ANXA3: variants seen among roughly 807,000 people sequenced by gnomAD.
ANXA3 encodes the protein 35-alpha calcimedin.
In ANXA3, 46 loss-of-function variants were observed where a neutral mutation model predicts 48.8. The ratio of observed to expected loss-of-function variants is 0.94; its 90% CI spans 0.74 to 1.21. ANXA3 has a LOEUF of 1.21. ANXA3 is among the 50% of genes most tolerant of loss of function. The pLI is 0.00. For missense variants in ANXA3, 383 were observed against 378.6 expected, an observed-to-expected ratio of 1.01 and a Z score of -0.10; for synonymous variants, 128 against 134.7, an observed-to-expected ratio of 0.95 and a Z score of 0.35.
chr4:78,573,306 C>A, intron 3 of ANXA3, 39 bp downstream of exon 3: 3 of 1,441,724 alleles, frequency 2.1e-6, no homozygotes, highest in Non-Finnish European at 2.9e-6. Context: ...AATGTTGAAG[C>A]AAATCAGGCA....
chr4:78,599,407 A>G (rs932624151), intron 10 of ANXA3, among the ~76,000 whole-genome samples: 8 of 152,250 alleles, frequency 5.3e-5, no homozygotes, highest in Non-Finnish European at 1.2e-4. Context: ...AGTTTTTGAC[A>G]TGAAAAACGA....
In ANXA3 at chr4:78,589,062, A is replaced by G. The variant is rs1324455124; in HGVS notation, c.404-2482A>G. Among the ~76,000 whole-genome samples, 3 of 152,200 alleles carry G rather than the reference A, an allele frequency of 2.0e-5. No individual in the cohort carries two copies. The East Asian group carries it at 5.8e-4, about 29-fold the overall frequency. ...TCCCTGGAGCCCAGCATTTAGGTAC[A>G]AACAGTTCCAGGATGTGAGCTTTAT... On this transcript the variant is annotated intron_variant, in intron 6 of 12. Transcript: ENST00000264908.
chr4:78,578,367 G>T (rs1723005787), intron 3 of ANXA3, among the ~76,000 whole-genome samples: 1 of 131,256 alleles, frequency 7.6e-6, no homozygotes, highest in Admixed American at 7.6e-5. Context: ...GGGAGAGAGG[G>T]AGGAAAGAAG....
intron 4 of ANXA3, 45 bp from the exon 5 acceptor site, chr4:78,582,131 AG>A (rs1214331893): frequency 1.5e-6 from 2 of 1,312,214 alleles, no homozygotes; most frequent in East Asian, 4.7e-5. Context: ...TTAGAGAAAG[AG>A]AAAAAAAGTA....
intron 5 of ANXA3, among the ~76,000 whole-genome samples, chr4:78,583,897 C>G (rs1723122065): frequency 6.6e-6 from 1 of 152,122 alleles, no homozygotes; most frequent in African/African-American, 2.4e-5. Flanking sequence ...TACAAAATAC[C>G]TTCACAGCAA....
chr4:78,567,682 G>C (rs1206206188), intron 2 of ANXA3, among the ~76,000 whole-genome samples: 1 of 152,238 alleles, frequency 6.6e-6, no homozygotes, highest in Non-Finnish European at 1.5e-5. Flanking sequence ...ATAACTTGCA[G>C]ATAAAGGTTA....
In ANXA3 at chr4:78,610,114, GA is replaced by G; in HGVS notation, c.*1del. The G allele has an allele frequency of 6.2e-7, 1 of 1,607,700 alleles. No homozygotes were observed. ...TTAAAAATCTGTGGTGGAGATGACT[GA>G]ACCAAGAAGATAATCTCCAAAGGTC... ...TLLKICGGDD[*>X] On this transcript the variant is annotated frameshift_variant and stop_lost, in exon 13 of 13. Transcript: ENST00000264908. LOFTEE classifies it high-confidence loss of function.
intron 10 of ANXA3, among the ~76,000 whole-genome samples, chr4:78,600,936 AT>A (rs35689949): frequency 0.052 from 7,786 of 148,584 alleles, 227 homozygotes; most frequent in Middle Eastern, 0.094. Flanking sequence ...GAAGGATTGT[AT>A]TTTTTTTTTA....
At chr4:78,605,786 A>AAAT (rs1434484339) in intron 12 of ANXA3, among the ~76,000 whole-genome samples, 1 of 152,222 alleles carries the variant, frequency 6.6e-6, no homozygotes, top group African/African-American at 2.4e-5. Flanking sequence ...AATAAATTAC[A>AAAT]AATTATTTGA....
At chr4:78,597,159 C>A in intron 9 of ANXA3, 160 bp from the exon 10 acceptor site, 1 of 562,386 alleles carries the variant, frequency 1.8e-6, no homozygotes, top group Non-Finnish European at 3.1e-6. Flanking sequence ...TAAAAAGGAA[C>A]AAAAGAAAAA....
intron 5 of ANXA3, among the ~76,000 whole-genome samples, chr4:78,585,635 A>G (rs1723158338): frequency 6.6e-6 from 1 of 152,234 alleles, no homozygotes. Flanking sequence ...ACTGTGGTAA[A>G]CTAGGAATCT....
At chr4:78,590,138 A>G (rs945008328) in intron 6 of ANXA3, among the ~76,000 whole-genome samples, 16 of 152,272 alleles carry the variant, frequency 1.1e-4, no homozygotes, top group Non-Finnish European at 1.5e-4. Context: ...AAATTACAAA[A>G]TACTTCCCCA....
intron 3 of ANXA3, among the ~76,000 whole-genome samples, 181 bp from the exon 4 acceptor site, chr4:78,578,846 G>GCAAA (rs1417746511): frequency 7.7e-6 from 1 of 130,206 alleles, no homozygotes; most frequent in Non-Finnish European, 1.6e-5. Context: ...CAAAACTCAG[G>GCAAA]CAAACAAAAT....
At chr4:78,596,675 T>G (rs1466747137) in intron 9 of ANXA3, among the ~76,000 whole-genome samples, 1 of 152,248 alleles carries the variant, frequency 6.6e-6, no homozygotes, top group Non-Finnish European at 1.5e-5. Context: ...GATAGTTGCT[T>G]TATTCATGTC....
chr4:78,566,311 G>T (rs1722729469), intron 2 of ANXA3, among the ~76,000 whole-genome samples: 1 of 151,940 alleles, frequency 6.6e-6, no homozygotes, highest in South Asian at 2.1e-4. Context: ...CAGTCCTCTT[G>T]CTCTGACACT....
intron 4 of ANXA3, among the ~76,000 whole-genome samples, chr4:78,580,868 T>G (rs1723056739): frequency 2.0e-5 from 3 of 152,238 alleles, no homozygotes; most frequent in Admixed American, 2.0e-4. Context: ...TTTGTTGAAT[T>G]GAGTGAATTG....
intron 12 of ANXA3, among the ~76,000 whole-genome samples, chr4:78,606,132 C>G (rs1018121714): frequency 1.3e-5 from 2 of 152,252 alleles, no homozygotes; most frequent in Non-Finnish European, 2.9e-5. Context: ...GTCAGGGCTG[C>G]CTTCGCAGAG....
chr4:78,604,179 T>C (rs1232701678), intron 11 of ANXA3, 98 bp from the exon 12 acceptor site: 4 of 1,100,906 alleles, frequency 3.6e-6, no homozygotes, highest in Non-Finnish European at 5.0e-6. Flanking sequence ...TATAGTTGAA[T>C]ATTTTGCACA....
intron 2 of ANXA3, among the ~76,000 whole-genome samples, chr4:78,569,558 A>G (rs1722803555): frequency 6.6e-6 from 1 of 152,206 alleles, no homozygotes. Flanking sequence ...CTAGACAGCT[A>G]AGAAGGAAAT....
Sources: allele counts gnomAD v4.1 joint callset (sites outside exome capture counted in the v4.1 genomes callset), GRCh38; gene constraint gnomAD v4.1.1; transcripts MANE v1.5; gene names NCBI Gene and HGNC (gene_info 2026-07-23, HGNC 2026-07-21).